Variants in ZPBP observed in about 807,000 individuals in gnomAD.
ZPBP encodes zona pellucida binding protein.
A neutral mutation model predicts 44.8 loss-of-function variants in ZPBP; 26 were observed. The observed-to-expected ratio is 0.58, with a 90% CI of 0.43 to 0.81. The LOEUF is 0.81. ZPBP is among the 30% of genes least tolerant of loss of function. The probability of loss-of-function intolerance (pLI) is 0.00; values close to 1 mark genes in which losing one functional copy is unlikely to be tolerated. For synonymous variants in ZPBP, 174 were observed against 153.2 expected, an observed-to-expected ratio of 1.14 and a Z score of -1.00; for missense variants, 409 against 434.0, an observed-to-expected ratio of 0.94 and a Z score of 0.51.
chr7:49,925,484 C>T (rs957926740), intron 1 of ZPBP, among the ~76,000 whole-genome samples: 1 of 152,204 alleles, frequency 6.6e-6, no homozygotes, highest in Non-Finnish European at 1.5e-5. Context: ...GTCACTCCAT[C>T]GCTCTATCCT....
intron 1 of ZPBP, among the ~76,000 whole-genome samples, chr7:49,931,823 G>T (rs1352122122): frequency 6.6e-6 from 1 of 152,154 alleles, no homozygotes; most frequent in Non-Finnish European, 1.5e-5. Flanking sequence ...AGGAAAAAAT[G>T]GTTTTGTGGG....
intron 7 of ZPBP, among the ~76,000 whole-genome samples, chr7:49,950,444 C>T (rs376190895): frequency 4.9e-4 from 75 of 151,744 alleles, no homozygotes; most frequent in Middle Eastern, 3.4e-3. Context: ...CTGGACAAAC[C>T]GTTTTAAAAT....
chr7:50,062,753 C>T (rs139473993), intron 3 of ZPBP, among the ~76,000 whole-genome samples: 2 of 152,244 alleles, frequency 1.3e-5, no homozygotes, highest in East Asian at 1.9e-4. Flanking sequence ...ATTCTTCCTG[C>T]AAGGACACCA....
chr7:50,017,778 A>G (rs1434877635), intron 6 of ZPBP, among the ~76,000 whole-genome samples: 2 of 152,166 alleles, frequency 1.3e-5, no homozygotes, highest in Non-Finnish European at 2.9e-5. Context: ...TATGTTAAGT[A>G]TAATGTAAAA....
intron 7 of ZPBP, among the ~76,000 whole-genome samples, chr7:49,977,101 C>CTGAATAAATAAATAAATAAA (rs1796559266): frequency 7.2e-6 from 1 of 138,506 alleles, no homozygotes; most frequent in Non-Finnish European, 1.5e-5. Flanking sequence ...GACTCCGTCT[C>CTGAATAAATAAATAAATAAA]TAAATAAATA....
chr7:50,031,572 C>A (rs3778766), intron 4 of ZPBP, among the ~76,000 whole-genome samples: 117,036 of 151,962 alleles, frequency 0.77, 45,158 homozygotes, highest in East Asian at 0.87. Flanking sequence ...AAATTGAGGG[C>A]GGCAGGGATT....
At chr7:49,895,483 T>A (rs1331639387) in intron 2 of ZPBP, among the ~76,000 whole-genome samples, 1 of 152,218 alleles carries the variant, frequency 6.6e-6, no homozygotes, top group Non-Finnish European at 1.5e-5. Flanking sequence ...ATGTGAACCC[T>A]CTGCTCTGAC....
rs762341643 is a variant in ZPBP, at chr7:49,983,402, G to A, written c.901C>T (p.Arg301Cys). ...TTCATTCCATATCCTGGAAAGCAGC[G>A]ATTAATCCAAACCATTTGGAGAGTA... is the stretch of plus-strand genomic sequence containing the variant. ...EGTLQMVWIN[R>C]CFPGYGMNVQ... Residue 301 changes from arginine to cysteine, a missense_variant, in exon 7 of 8, where the codon CGC becomes TGC. This residue lies in a region of ZPBP where 42 missense variants were observed against 71.0 expected (regional missense o/e 0.59). Coordinates refer to ENST00000046087, the MANE Select transcript of ZPBP (RefSeq NM_007009.3). 28 of 1,613,202 alleles carry A rather than the reference G, an allele frequency of 1.7e-5. No homozygotes were observed. The highest frequency in any genetic ancestry group is 1.4e-4 in the South Asian group (13 of 91,036).
intron 1 of ZPBP, among the ~76,000 whole-genome samples, chr7:49,925,577 T>G (rs144807009): frequency 6.6e-4 from 100 of 152,344 alleles, no homozygotes; most frequent in African/African-American, 2.3e-3. Context: ...TGGAAAAAAT[T>G]ACCTACTTGG....
At chr7:49,906,903 A>G (rs1186443292) in intron 1 of ZPBP, among the ~76,000 whole-genome samples, 1 of 152,186 alleles carries the variant, frequency 6.6e-6, no homozygotes, top group Non-Finnish European at 1.5e-5. Flanking sequence ...AGCAATTTTT[A>G]TATCTCTTTC....
intron 2 of ZPBP, among the ~76,000 whole-genome samples, chr7:49,877,631 G>A (rs1434400195): frequency 6.8e-6 from 1 of 147,484 alleles, no homozygotes; most frequent in African/African-American, 2.5e-5. Context: ...TGTAAATGCT[G>A]TGATTTATCT....
intron 2 of ZPBP, among the ~76,000 whole-genome samples, chr7:50,086,110 T>C (rs747928056): frequency 1.3e-5 from 2 of 152,100 alleles, no homozygotes; most frequent in Admixed American, 6.6e-5. Flanking sequence ...CTAACTAAGC[T>C]AATTAAGCAG....
chr7:50,025,111 C>T (rs1256923539), intron 5 of ZPBP, among the ~76,000 whole-genome samples: 1 of 151,454 alleles, frequency 6.6e-6, no homozygotes, highest in African/African-American at 2.4e-5. Context: ...ATGAGGAAAA[C>T]TGTAAAACTC....
chr7:49,971,890 T>C (rs1185815040), intron 7 of ZPBP, among the ~76,000 whole-genome samples: 1 of 151,894 alleles, frequency 6.6e-6, no homozygotes, highest in African/African-American at 2.4e-5. Flanking sequence ...AAGGACTATA[T>C]ACAATGACCA....
chr7:49,848,178 C>T (rs1790030489), downstream of ZPBP, among the ~76,000 whole-genome samples: 1 of 152,088 alleles, frequency 6.6e-6, no homozygotes, highest in African/African-American at 2.4e-5. Flanking sequence ...AAGATAGGGG[C>T]CCAACTTTGA....
intron 1 of ZPBP, chr7:49,912,274 A>T (rs1349352291): frequency 7.3e-7 from 1 of 1,379,224 alleles, no homozygotes; most frequent in African/African-American, 1.4e-5. Flanking sequence ...TCAGTCAAAG[A>T]AGACTTTTGA....
chr7:49,859,114 G>A lies in ZPBP; in HGVS notation n.510-8600C>T, dbSNP rs369375526. ...ACTTATTTAGGAAGCATACCTTAGA[G>A]GAGAATTTCACTGATGGGGCATGTG... On this transcript the variant is annotated intron_variant and non_coding_transcript_variant, in intron 2 of 2. Transcript: ENST00000465922. 1.5e-3 allele frequency among the ~76,000 whole-genome samples: 236 copies of A among 152,308 alleles called. 3 individuals carry two copies. The highest frequency in any genetic ancestry group is 5.4e-3 in the African/African-American group (226 of 41,580).
chr7:49,843,185 T>C, the ZPBP span, among the ~76,000 whole-genome samples: 1 of 152,248 alleles, frequency 6.6e-6, no homozygotes, highest in Non-Finnish European at 1.5e-5. Flanking sequence ...AACTTCTTGC[T>C]TACTGTAACC....
In ZPBP at chr7:49,868,343, A is replaced by G. The variant is rs535073464; in HGVS notation, n.510-17829T>C. On this transcript the variant is annotated intron_variant and non_coding_transcript_variant, in intron 2 of 2. Transcript: ENST00000465922. ...CTTTAGCCAAGTCAATTTTGTAGAT[A>G]TTTCAAAGTATTGATGGTTCATTTC... 7.9e-5 allele frequency among the ~76,000 whole-genome samples: 12 copies of G among 152,312 alleles called. No individual in the cohort carries two copies. The South Asian group carries it at 1.9e-3, about 24-fold the overall frequency.
Sources: allele counts gnomAD v4.1 joint callset (sites outside exome capture counted in the v4.1 genomes callset), GRCh38; gene constraint gnomAD v4.1.1; regional missense constraint gnomAD v4.1.1; transcripts MANE v1.5; gene names NCBI Gene and HGNC (gene_info 2026-07-23, HGNC 2026-07-21).